KCNN3: variants seen among roughly 807,000 people sequenced by gnomAD.
The protein encoded by KCNN3 is potassium calcium-activated channel subfamily N member 3, also known as small conductance calcium-activated potassium channel protein 3.
A neutral mutation model predicts 62.9 loss-of-function variants in KCNN3; 16 were observed. The observed-to-expected ratio is 0.25, with a 90% confidence interval of 0.17 to 0.39. KCNN3 has a LOEUF of 0.39. Ranked by LOEUF, KCNN3 falls within the 10% of genes least tolerant of loss-of-function variation. The pLI, the probability that KCNN3 is intolerant of heterozygous loss-of-function variation, is 1.00. For missense variants in KCNN3, 599 were observed against 949.4 expected (o/e 0.63, Z 4.85); for synonymous variants, 370 against 389.2 (o/e 0.95, Z 0.58).
intron 2 of KCNN3, among the ~76,000 whole-genome samples, chr1:154,789,993 C>T (rs1297486476): frequency 6.6e-6 from 1 of 152,208 alleles, no homozygotes; most frequent in African/African-American, 2.4e-5. Flanking sequence ...ACTGCAACCT[C>T]TGCCTCCTGG....
At chr1:154,714,728 G>GT in intron 6 of KCNN3, 148 bp downstream of exon 6, 1 of 1,090,624 alleles carries the variant, frequency 9.2e-7, no homozygotes, top group Non-Finnish European at 1.4e-6. Context: ...CATGTGGCTG[G>GT]TGCAGTCAGT....
intron 7 of KCNN3, among the ~76,000 whole-genome samples, 176 bp downstream of exon 7, chr1:154,713,288 G>A (rs75298609): frequency 7.9e-5 from 12 of 152,248 alleles, no homozygotes; most frequent in Non-Finnish European, 8.8e-5. Flanking sequence ...AAGACATACC[G>A]GTAGATTGCA....
At chr1:154,818,827 C>A (rs1353302277) in intron 2 of KCNN3, among the ~76,000 whole-genome samples, 1 of 152,222 alleles carries the variant, frequency 6.6e-6, no homozygotes, top group Non-Finnish European at 1.5e-5. Flanking sequence ...AAACTCAAGC[C>A]ATCTAAATGA....
intron 3 of KCNN3, among the ~76,000 whole-genome samples, chr1:154,766,951 G>A (rs1039035221): frequency 6.6e-6 from 1 of 152,122 alleles, no homozygotes; most frequent in African/African-American, 2.4e-5. Context: ...AAAGTGCTGG[G>A]ATTACAGGCG....
At chr1:154,867,337 C>G (rs1015124254) in intron 1 of KCNN3, among the ~76,000 whole-genome samples, 5 of 152,228 alleles carry the variant, frequency 3.3e-5, no homozygotes, top group Non-Finnish European at 7.3e-5. Flanking sequence ...AAACCCCACT[C>G]GCTTCTGCTC....
At chr1:154,768,217 C>T (rs1264973547) in intron 3 of KCNN3, among the ~76,000 whole-genome samples, 2 of 152,218 alleles carry the variant, frequency 1.3e-5, no homozygotes, top group African/African-American at 4.8e-5. Context: ...TTCAGTTCCC[C>T]AAAGCTTCCC....
intron 2 of KCNN3, among the ~76,000 whole-genome samples, chr1:154,794,952 G>C (rs1035130350): frequency 3.9e-5 from 6 of 152,212 alleles, no homozygotes; most frequent in Admixed American, 6.5e-5. Flanking sequence ...CCCTGAGGAT[G>C]TCTGCTCTGT....
At chr1:154,758,327 T>G (rs1310023520) in intron 3 of KCNN3, among the ~76,000 whole-genome samples, 1 of 152,224 alleles carries the variant, frequency 6.6e-6, no homozygotes, top group African/African-American at 2.4e-5. Context: ...ATGGATCCTG[T>G]GCTGGTGCGA....
At chr1:154,755,524 AAAG>A (rs201636779) in intron 3 of KCNN3, among the ~76,000 whole-genome samples, 6 of 71,124 alleles carry the variant, frequency 8.4e-5, no homozygotes, top group African/African-American at 2.2e-4. Context: ...AGAAAGAAAG[AAAG>A]AAGAAGAAAG....
At position 154,869,848 on chromosome 1, in the gene KCNN3, C is replaced by CTGCTGT; in HGVS notation, c.111_116dup (p.Gln40_Gln41dup). 1.3e-6 allele frequency: 2 copies of CTGCTGT among 1,579,442 alleles called. No individual in the cohort carries two copies. The highest frequency in any genetic ancestry group is 1.7e-6 in the Non-Finnish European group (2 of 1,161,670). On this transcript the variant is annotated inframe_insertion, in exon 1 of 8. Transcript: ENST00000271915. The surrounding 1 kb of genome is among the most constrained non-coding windows in gnomAD (Gnocchi z 6.1). ...GTGGCGCTGGCGGTGGTGGCTGCTG[C>CTGCTGT]TGCTGTTGCTGCTGCTGCTGCTGCT...
chr1:154,708,302 G>GGA, intron 7 of KCNN3, 30 bp from the exon 8 acceptor site: 1 of 1,607,424 alleles, frequency 6.2e-7, no homozygotes, highest in Non-Finnish European at 8.5e-7. Flanking sequence ...CGAGAGACAG[G>GGA]GAGATGACAG....
chr1:154,863,661 TA>T (rs112437722), intron 1 of KCNN3, among the ~76,000 whole-genome samples: 4,465 of 152,342 alleles, frequency 0.029, 66 homozygotes, highest in African/African-American at 0.043. Context: ...CTTTACCTTA[TA>T]TTTTTTTAAA....
Position 154,725,931 on chromosome 1 carries a change from A to T in KCNN3, c.1686T>A (p.Thr562=), listed in dbSNP as rs1329820923. ...GGCATCTTACCCGCTTGGTGAGCTG[A>T]GTGTCCATCATGAAGTTATGAACGT... The part of the protein sequence containing the change: ...EKHVHNFMMD[T]QLTKRIKNAA... Residue 562 remains threonine, a synonymous_variant, in exon 5 of 8, where the codon ACT becomes ACA. Coordinates refer to ENST00000271915, the MANE Select transcript of KCNN3 (RefSeq NM_002249.6). The T allele has an allele frequency of 6.2e-7, 1 of 1,613,812 alleles. No homozygotes were observed. Among genetic ancestry groups the T allele is most frequent in the East Asian group, 2.2e-5 (1 of 44,880 alleles).
rs1489663497 is a variant in KCNN3, at chr1:154,772,491, GC to G, written c.1030-99del. On this transcript the variant is annotated intron_variant, in intron 2 of 7. Transcript: ENST00000271915. This position sits in a 1 kb window ranked among gnomAD's most constrained non-coding sequence, Gnocchi z 5.6. Reference sequence around the variant, plus strand: ...GGGGCAGGCTGGGGCAGGCTGCTGGGCTCAGGTCAGCCTGACCACCTCAGCA... The same window carrying G: ...GGGGCAGGCTGGGGCAGGCTGCTGGGTCAGGTCAGCCTGACCACCTCAGCA... 21 of 1,218,570 alleles carry G rather than the reference GC, an allele frequency of 1.7e-5. No homozygotes were observed. In the East Asian group the frequency reaches 4.4e-4, roughly 26 times the overall value. The allele number at this position is 1,218,570 out of a possible 1,614,324, so 75.5% of individuals were successfully genotyped here.
At chr1:154,714,823 C>A in intron 6 of KCNN3, 53 bp downstream of exon 6, 1 of 1,610,620 alleles carries the variant, frequency 6.2e-7, no homozygotes, top group Non-Finnish European at 8.5e-7. Flanking sequence ...TTGTAGGAGT[C>A]CCGCCACTCC....
At chr1:154,766,081 C>T (rs1248222676) in intron 3 of KCNN3, among the ~76,000 whole-genome samples, 1 of 150,864 alleles carries the variant, frequency 6.6e-6, no homozygotes, top group Non-Finnish European at 1.5e-5. Flanking sequence ...GTCGCCTCCC[C>T]ACCTTCCCCC....
At position 154,809,291 on chromosome 1, in the gene KCNN3, G is replaced by A. The variant is rs563871207; in HGVS notation, c.1029+12798C>T. Among the ~76,000 whole-genome samples, 68 of 152,318 alleles carry A rather than the reference G, an allele frequency of 4.5e-4. No homozygotes were observed. The highest frequency in any genetic ancestry group is 1.6e-3 in the African/African-American group (67 of 41,556). Reference sequence around the variant, plus strand: ...CACAGACTGTGAGTAACACGAGACCGGGTCCAGTCTGTAGTTCACAGCTCT... The same window carrying A: ...CACAGACTGTGAGTAACACGAGACCAGGTCCAGTCTGTAGTTCACAGCTCT... On this transcript the variant is annotated intron_variant, in intron 2 of 7. Coordinates refer to ENST00000271915, the MANE Select transcript of KCNN3 (RefSeq NM_002249.6). The surrounding 1 kb of genome is among the most constrained non-coding windows in gnomAD (Gnocchi z 4.3).
intron 5 of KCNN3, among the ~76,000 whole-genome samples, chr1:154,721,050 G>C (rs1450015335): frequency 6.6e-6 from 1 of 152,184 alleles, no homozygotes; most frequent in African/African-American, 2.4e-5. Flanking sequence ...GTTTAGGGAA[G>C]TTGTGGGTTT....
chr1:154,790,973 A>AGCCACTTCC (rs1649489284), intron 2 of KCNN3, among the ~76,000 whole-genome samples: 1 of 152,188 alleles, frequency 6.6e-6, no homozygotes, highest in African/African-American at 2.4e-5. Flanking sequence ...TCACGCCTGT[A>AGCCACTTCC]ATCCCAGCAC....
Sources: gnomAD v4.1 joint callset for allele counts (sites outside exome capture counted in the v4.1 genomes callset) on GRCh38, gnomAD v4.1.1 for gene constraint, Gnocchi (gnomAD v3.1) non-coding constraint, MANE v1.5 for transcripts, NCBI Gene and HGNC (gene_info 2026-07-23, HGNC 2026-07-21) for gene names.